GALNT13: variants seen among roughly 807,000 people sequenced by gnomAD.
GALNT13 encodes the protein UDP-GalNAc:polypeptide N-acetylgalactosaminyltransferase 13.
In GALNT13, 28 loss-of-function variants were observed where a neutral mutation model predicts 64.2. That is an observed-to-expected ratio of 0.44 (90% CI 0.32 to 0.60). The LOEUF is 0.60. Ranked by LOEUF, GALNT13 falls within the 20% of genes least tolerant of loss-of-function variation. The pLI, the probability that GALNT13 is intolerant of heterozygous loss-of-function variation, is 0.05. For synonymous variants in GALNT13, 214 were observed against 224.6 expected (o/e 0.95, Z 0.42); for missense variants, 577 against 669.8 (o/e 0.86, Z 1.53).
At chr2:153,177,144 A>G in the GALNT13 span, among the ~76,000 whole-genome samples, 14 of 506 alleles carry the variant, frequency 0.028, no homozygotes, top group East Asian at 0.056. Flanking sequence ...TATGCAAAAC[A>G]TGGAGTAAAA....
At chr2:153,081,649 T>C in the GALNT13 span, among the ~76,000 whole-genome samples, 4 of 152,300 alleles carry the variant, frequency 2.6e-5, no homozygotes, top group East Asian at 1.9e-4. Context: ...TTATTTTACT[T>C]AACCTAGTGA....
chr2:154,223,423 A>C (rs564915998), intron 4 of GALNT13, among the ~76,000 whole-genome samples: 1 of 135,268 alleles, frequency 7.4e-6, no homozygotes, highest in Non-Finnish European at 1.7e-5. Context: ...GTTGAAATTT[A>C]TTATTTATTT....
At chr2:153,609,806 C>T in the GALNT13 span, among the ~76,000 whole-genome samples, 1 of 152,094 alleles carries the variant, frequency 6.6e-6, no homozygotes, top group Non-Finnish European at 1.5e-5. Context: ...AACTGCACAG[C>T]AAATGAATAA....
chr2:153,409,835 A>T, the GALNT13 span, among the ~76,000 whole-genome samples: 1 of 152,184 alleles, frequency 6.6e-6, no homozygotes, highest in Admixed American at 6.5e-5. Context: ...AATAATAAAC[A>T]TTTTCTTGAA....
chr2:153,814,500 A>C, the GALNT13 span, among the ~76,000 whole-genome samples: 1 of 150,676 alleles, frequency 6.6e-6, no homozygotes, highest in Non-Finnish European at 1.5e-5. Flanking sequence ...TAAATAAATA[A>C]ATAAATAAAA....
the GALNT13 span, among the ~76,000 whole-genome samples, chr2:153,700,125 A>G: frequency 6.6e-6 from 1 of 152,196 alleles, no homozygotes; most frequent in East Asian, 1.9e-4. Context: ...ATCCAGCAGC[A>G]CATCAAAAAG....
At chr2:153,675,203 C>A in the GALNT13 span, among the ~76,000 whole-genome samples, 1 of 152,144 alleles carries the variant, frequency 6.6e-6, no homozygotes. Context: ...TGGGTATATA[C>A]CCAAAGGATT....
At chr2:153,823,204 A>G in the GALNT13 span, among the ~76,000 whole-genome samples, 2 of 152,182 alleles carry the variant, frequency 1.3e-5, no homozygotes, top group Non-Finnish European at 2.9e-5. Context: ...ATTGCCCAGG[A>G]CAATATACAG....
At chr2:153,640,302 C>T in the GALNT13 span, among the ~76,000 whole-genome samples, 1 of 152,112 alleles carries the variant, frequency 6.6e-6, no homozygotes. Flanking sequence ...ATTGACTACT[C>T]CAAGTGTGGA....
intron 11 of GALNT13, among the ~76,000 whole-genome samples, chr2:154,428,351 A>G (rs1700558480): frequency 6.6e-6 from 1 of 152,232 alleles, no homozygotes; most frequent in South Asian, 2.1e-4. Context: ...TATATATCAA[A>G]CTGTGAACTT....
chr2:153,987,301 C>T (rs190552180), intron 3 of GALNT13, among the ~76,000 whole-genome samples: 6 of 151,600 alleles, frequency 4.0e-5, no homozygotes, highest in East Asian at 1.9e-4. Flanking sequence ...AACTCAAGTT[C>T]GTTGTTGTCT....
chr2:154,137,222 G>A (rs1045084380), intron 3 of GALNT13, among the ~76,000 whole-genome samples: 9 of 151,948 alleles, frequency 5.9e-5, no homozygotes, highest in Middle Eastern at 3.4e-3. Context: ...TAAAAGGCTC[G>A]TTCCCCACTA....
Position 154,151,577 on chromosome 2 carries a change from A to G in GALNT13, c.311+11072A>G, listed in dbSNP as rs1558989747. ...TGTGTGGGAGTCTAAGTCTCTTCGT[A>G]AGTCACTCAGGACTTGCTTTATGAA... On this transcript the variant is annotated intron_variant, in intron 4 of 12. Coordinates refer to ENST00000392825, the MANE Select transcript of GALNT13 (RefSeq NM_052917.4). Among the ~76,000 whole-genome samples the G allele has an allele frequency of 4.6e-5, 7 of 152,232 alleles. No individual in the cohort carries two copies. In the South Asian group the frequency reaches 1.5e-3, roughly 32 times the overall value.
At chr2:153,671,412 A>C in the GALNT13 span, among the ~76,000 whole-genome samples, 1 of 152,084 alleles carries the variant, frequency 6.6e-6, no homozygotes, top group Non-Finnish European at 1.5e-5. Flanking sequence ...TTCTTAAAGA[A>C]AGGAATTTTC....
intron 2 of GALNT13, among the ~76,000 whole-genome samples, chr2:153,942,691 T>TGATA (rs2105380711): frequency 6.6e-6 from 1 of 150,450 alleles, no homozygotes; most frequent in African/African-American, 2.4e-5. Flanking sequence ...TATCTCTCCA[T>TGATA]TATATATATA....
At chr2:154,052,638 A>G (rs1699686996) in intron 3 of GALNT13, among the ~76,000 whole-genome samples, 1 of 151,912 alleles carries the variant, frequency 6.6e-6, no homozygotes, top group South Asian at 2.1e-4. Flanking sequence ...CCTCAAGTGT[A>G]CTGGTGTCCA....
intron 12 of GALNT13, among the ~76,000 whole-genome samples, chr2:154,441,106 T>TCATATA (rs1365952182): frequency 1.3e-5 from 2 of 152,240 alleles, no homozygotes; most frequent in Admixed American, 1.3e-4. Context: ...CTCCGATCAT[T>TCATATA]CATATACATA....
At chr2:154,040,780 A>G (rs1698929409) in intron 3 of GALNT13, among the ~76,000 whole-genome samples, 2 of 140,578 alleles carry the variant, frequency 1.4e-5, no homozygotes, top group East Asian at 4.0e-4. Context: ...TGGGAAAATG[A>G]TTTCATCAGC....
chr2:153,442,708 C>G, the GALNT13 span, among the ~76,000 whole-genome samples: 2 of 152,186 alleles, frequency 1.3e-5, no homozygotes, highest in Non-Finnish European at 2.9e-5. Flanking sequence ...AAGCCCCTGA[C>G]TGGGGCTACT....
Sources: gnomAD v4.1 joint callset for allele counts (sites outside exome capture counted in the v4.1 genomes callset) on GRCh38, gnomAD v4.1.1 for gene constraint, MANE v1.5 for transcripts, NCBI Gene and HGNC (gene_info 2026-07-23, HGNC 2026-07-21) for gene names.